AGO2: variants seen among roughly 807,000 people sequenced by gnomAD.
AGO2 encodes protein argonaute-2.
In AGO2, 5 loss-of-function variants were observed where a neutral mutation model predicts 102.3. The ratio of observed to expected loss-of-function variants is 0.05; its 90% CI spans 0.03 to 0.10. The LOEUF is 0.10. AGO2 is among the 10% of genes least tolerant of loss of function. The pLI is 1.00. For missense variants in AGO2, 541 were observed against 1,183.7 expected, an observed-to-expected ratio of 0.46 and a Z score of 7.97; for synonymous variants, 449 against 473.1, an observed-to-expected ratio of 0.95 and a Z score of 0.66.
At position 140,560,356 on chromosome 8, in the gene AGO2, C is replaced by A; in HGVS notation, c.655+18G>T. On this transcript the variant is annotated intron_variant, in intron 5 of 18. Coordinates refer to ENST00000220592, the MANE Select transcript of AGO2 (RefSeq NM_012154.5). ...GCCCAACCCTGCCCTGCAGTGAAGA[C>A]CCCAGGGCGCTGCTTACCATCAATA... is the stretch of plus-strand genomic sequence containing the variant. 1 of 1,613,038 alleles carries A rather than the reference C, an allele frequency of 6.2e-7. No individual in the cohort carries two copies. The highest frequency in any genetic ancestry group is 8.5e-7 in the Non-Finnish European group (1 of 1,179,244).
rs1395836454 is a variant in AGO2, at chr8:140,521,573, A to C, written c.*10471T>G. The C allele has an allele frequency of 6.6e-6, 1 of 152,266 alleles. No homozygotes were observed. The highest frequency in any genetic ancestry group is 1.5e-5 in the Non-Finnish European group (1 of 68,046). 9.4% of individuals were successfully genotyped at this position (152,266 alleles called of 1,614,324 possible). A position where few individuals can be genotyped will look rare whatever the true frequency, so the allele number is the denominator to read the frequency against. On this transcript the variant is annotated 3_prime_UTR_variant, in exon 19 of 19. Transcript: ENST00000220592. ...TAAAAAAAGATCGCCATAGTAGGAA[A>C]AGTCTAGAATTGTAAACTGCCAAAT...
Position 140,544,247 on chromosome 8 carries a change from G to C in AGO2, c.1805C>G (p.Pro602Arg). 1 of 1,596,910 alleles carries C rather than the reference G, an allele frequency of 6.3e-7. No individual in the cohort carries two copies. The highest frequency in any genetic ancestry group is 8.5e-7 in the Non-Finnish European group (1 of 1,173,428). Residue 602 changes from proline (P) to arginine (R), a missense_variant, in exon 14 of 19, where the codon CCC becomes CGC. By Grantham distance (103) the Pro-to-Arg change is moderately radical. This residue lies in a region of AGO2 where 309 missense variants were observed against 735.1 expected (regional missense o/e 0.42). Transcript: ENST00000220592. ...GGAGGGCTTCTTCCCATCCCCGGCG[G>C]GGGGGTGAGTGACGTCTGCTCCCAG... ...IFLGADVTHP[P>R]AGDGKKPSIA... is the part of the protein sequence containing the mutation.
intron 6 of AGO2, among the ~76,000 whole-genome samples, 176 bp from the exon 7 acceptor site, chr8:140,558,748 C>T (rs1283202751): frequency 6.6e-6 from 1 of 152,194 alleles, no homozygotes; most frequent in Non-Finnish European, 1.5e-5. Context: ...CAGCCGGGTC[C>T]GTCTCACCTA....
At chr8:140,597,466 GCC>G (rs201167667) in intron 1 of AGO2, among the ~76,000 whole-genome samples, 2 of 48,442 alleles carry the variant, frequency 4.1e-5, no homozygotes, top group Admixed American at 2.1e-4. Flanking sequence ...GGGCTGGGTG[GCC>G]CCCCCACCCC....
At chr8:140,600,952 C>T (rs1313667067) in intron 1 of AGO2, among the ~76,000 whole-genome samples, 3 of 151,892 alleles carry the variant, frequency 2.0e-5, no homozygotes, top group Non-Finnish European at 4.4e-5. Context: ...AACCCGAATT[C>T]GAATTGTGTC....
intron 13 of AGO2, among the ~76,000 whole-genome samples, chr8:140,545,354 C>T (rs2072881175): frequency 1.3e-5 from 2 of 152,178 alleles, no homozygotes; most frequent in Admixed American, 6.5e-5. Context: ...GCGTCTGGCC[C>T]GCTGCAGGAC....
intron 10 of AGO2, among the ~76,000 whole-genome samples, chr8:140,552,741 C>T (rs1243744169): frequency 2.3e-4 from 2 of 8,524 alleles, no homozygotes; most frequent in Non-Finnish European, 3.8e-4. Flanking sequence ...CGCGCGCGCG[C>T]ACACACACAC....
At chr8:140,560,583 C>A in intron 4 of AGO2, 73 bp from the exon 5 acceptor site, 1 of 1,544,966 alleles carries the variant, frequency 6.5e-7, no homozygotes. Context: ...TCTGGGTGGG[C>A]TTCGCCTGCG....
At chr8:140,627,111 T>C (rs1226862140) in intron 1 of AGO2, among the ~76,000 whole-genome samples, 2 of 152,196 alleles carry the variant, frequency 1.3e-5, no homozygotes, top group African/African-American at 4.8e-5. Flanking sequence ...TTATATCCAG[T>C]GCCCGCCACC....
intron 1 of AGO2, among the ~76,000 whole-genome samples, chr8:140,622,122 G>A (rs1030214777): frequency 5.3e-5 from 8 of 152,226 alleles, no homozygotes; most frequent in African/African-American, 1.9e-4. Context: ...CCGAGTGAAA[G>A]AAGGAGACAC....
upstream of AGO2, chr8:140,635,701 A>C: frequency 9.3e-6 from 1 of 107,044 alleles, no homozygotes; most frequent in Non-Finnish European, 1.9e-5. Flanking sequence ...GGGGCGGGGG[A>C]GGAAGGAGGA....
intron 1 of AGO2, among the ~76,000 whole-genome samples, chr8:140,619,688 T>C (rs1159945871): frequency 6.6e-6 from 1 of 152,218 alleles, no homozygotes; most frequent in East Asian, 1.9e-4. Context: ...AGAAAGTCTG[T>C]GTCTCGCAGG....
rs748399150 is a variant in AGO2, at chr8:140,544,245, C to CG, written c.1806dup (p.Ala603ArgfsTer71). On this transcript the variant is annotated frameshift_variant, in exon 14 of 19. Coordinates refer to ENST00000220592, the MANE Select transcript of AGO2 (RefSeq NM_012154.5). LOFTEE classifies it high-confidence loss of function. ...ATGGAGGGCTTCTTCCCATCCCCGG[C>CG]GGGGGGGTGAGTGACGTCTGCTCCC... 18 of 1,595,178 alleles carry CG rather than the reference C, an allele frequency of 1.1e-5. No individual in the cohort carries two copies. Among genetic ancestry groups the CG allele is most frequent in the Middle Eastern group, 1.7e-4 (1 of 6,012 alleles).
chr8:140,587,667 C>T (rs1313841794), intron 1 of AGO2, among the ~76,000 whole-genome samples: 2 of 152,242 alleles, frequency 1.3e-5, no homozygotes, highest in Non-Finnish European at 1.5e-5. Flanking sequence ...GAGCCCCTGG[C>T]CCCGACAGGT....
At chr8:140,634,075 CA>C (rs1391118418) in intron 1 of AGO2, among the ~76,000 whole-genome samples, 1 of 152,344 alleles carries the variant, frequency 6.6e-6, no homozygotes, top group East Asian at 1.9e-4. Context: ...CCTGGCCACC[CA>C]AGGCCTCTAG....
intron 1 of AGO2, among the ~76,000 whole-genome samples, chr8:140,595,656 C>CTATATA (rs1362125503): frequency 8.0e-6 from 1 of 124,514 alleles, no homozygotes; most frequent in Admixed American, 9.0e-5. Context: ...ATATGCCAGG[C>CTATATA]TATATATATT....
intron 2 of AGO2, among the ~76,000 whole-genome samples, chr8:140,582,385 C>A (rs1404785720): frequency 6.6e-6 from 1 of 152,182 alleles, no homozygotes; most frequent in African/African-American, 2.4e-5. Flanking sequence ...AGGAAATGCT[C>A]ATTGGAGCAT....
chr8:140,610,209 ACAAAAACAAACACCCCCAAAAC>A (rs1306850230), intron 1 of AGO2, among the ~76,000 whole-genome samples: 4 of 152,118 alleles, frequency 2.6e-5, no homozygotes, highest in East Asian at 3.9e-4. Flanking sequence ...GTCTCAAGAA[ACAAAAACAAACACCCCCAAAAC>A]CAAAAACCAA....
Position 140,532,062 on chromosome 8 carries a change from G to C in AGO2, c.2562C>G (p.Arg854=). ...AAACATGTCAAGCAAAGTACATGGTGCGCAGAGTGTCTTGGTGAACCTGGA... is the reference window on the plus strand; with the variant it reads ...AAACATGTCAAGCAAAGTACATGGTCCGCAGAGTGTCTTGGTGAACCTGGA... ...KAVQVHQDTL[R]TMYFA Residue 854 remains arginine (R), a synonymous_variant, in exon 19 of 19, where the codon CGC becomes CGG. Coordinates refer to ENST00000220592, the MANE Select transcript of AGO2 (RefSeq NM_012154.5). 1 of 1,614,162 alleles carries C rather than the reference G, an allele frequency of 6.2e-7. No individual in the cohort carries two copies. The highest frequency in any genetic ancestry group is 1.1e-5 in the South Asian group (1 of 91,086).
Sources: allele counts gnomAD v4.1 joint callset (sites outside exome capture counted in the v4.1 genomes callset), GRCh38; gene constraint gnomAD v4.1.1; regional missense constraint gnomAD v4.1.1; transcripts MANE v1.5; gene names NCBI Gene and HGNC (gene_info 2026-07-23, HGNC 2026-07-21).